CALN1: variants seen among roughly 807,000 people sequenced by gnomAD.
CALN1 encodes the protein calcium-binding protein 8.
CALN1 carries 17 observed loss-of-function variants against 30.6 expected under a neutral mutation model. The observed-to-expected ratio is 0.56, with a 90% confidence interval of 0.38 to 0.83. CALN1 has a LOEUF of 0.83. Ranked by LOEUF, CALN1 falls within the 40% of genes least tolerant of loss-of-function variation. The pLI is 0.00. For synonymous variants in CALN1, 156 were observed against 131.4 expected, an observed-to-expected ratio of 1.19 and a Z score of -1.28; for missense variants, 291 against 354.9, an observed-to-expected ratio of 0.82 and a Z score of 1.45.
In CALN1 at chr7:72,059,418, T is replaced by C. The variant is rs145007205; in HGVS notation, c.389-35649A>G. Among the ~76,000 whole-genome samples the C allele has an allele frequency of 4.6e-5, 7 of 152,010 alleles. No individual in the cohort carries two copies. In the East Asian group the frequency reaches 1.2e-3, roughly 25 times the overall value. ...AGCAAACCCTGACAATCCCTCATAC[T>C]TAGGAACTCCCAACCCTCATTCTTG... On this transcript the variant is annotated intron_variant, in intron 4 of 6. Transcript: ENST00000395275.
At chr7:71,847,773 A>AAAGAAGAAG (rs373772692) in intron 5 of CALN1, among the ~76,000 whole-genome samples, 2 of 145,228 alleles carry the variant, frequency 1.4e-5, no homozygotes, top group African/African-American at 5.2e-5. Flanking sequence ...GAAGAAGAAG[A>AAAGAAGAAG]AAGAAGAAGA....
chr7:71,869,732 T>C (rs1032694582), intron 5 of CALN1, among the ~76,000 whole-genome samples: 3 of 152,220 alleles, frequency 2.0e-5, no homozygotes, highest in African/African-American at 7.2e-5. Context: ...TGAATATTCA[T>C]GAAGTAGTAC....
At chr7:72,431,719 G>A (rs981345498) in intron 1 of CALN1, among the ~76,000 whole-genome samples, 1 of 152,030 alleles carries the variant, frequency 6.6e-6, no homozygotes, top group Non-Finnish European at 1.5e-5. Context: ...ATGCGTGCCT[G>A]TAGTCCTGGC....
intron 2 of CALN1, among the ~76,000 whole-genome samples, chr7:72,290,874 CTGAG>C (rs1478169228): frequency 2.0e-5 from 3 of 151,834 alleles, no homozygotes; most frequent in South Asian, 2.1e-4. Flanking sequence ...TTATTTTTCA[CTGAG>C]TATCAATCTT....
chr7:72,367,892 G>C (rs1803968526), intron 2 of CALN1, among the ~76,000 whole-genome samples: 1 of 151,896 alleles, frequency 6.6e-6, no homozygotes, highest in Non-Finnish European at 1.5e-5. Flanking sequence ...ACAACACTTT[G>C]GGAGGCCGAG....
chr7:72,098,796 A>ACACACACACAC (rs1173901201), intron 4 of CALN1, among the ~76,000 whole-genome samples: 1 of 143,206 alleles, frequency 7.0e-6, no homozygotes, highest in African/African-American at 2.5e-5. Context: ...ACACACACAC[A>ACACACACACAC]CACACAGCCA....
At chr7:72,053,248 G>C (rs1364482190) in intron 4 of CALN1, among the ~76,000 whole-genome samples, 2 of 152,012 alleles carry the variant, frequency 1.3e-5, no homozygotes, top group Admixed American at 1.3e-4. Context: ...AACAAACAAA[G>C]GAATATGTGC....
intron 5 of CALN1, among the ~76,000 whole-genome samples, chr7:72,015,546 G>A (rs1344938948): frequency 6.6e-6 from 1 of 151,342 alleles, no homozygotes; most frequent in Non-Finnish European, 1.5e-5. Flanking sequence ...TTCCGACAAT[G>A]TCCTCACCTC....
At chr7:72,435,453 C>T (rs982938467) in intron 1 of CALN1, among the ~76,000 whole-genome samples, 32 of 152,310 alleles carry the variant, frequency 2.1e-4, no homozygotes, top group African/African-American at 7.5e-4. Flanking sequence ...ACTGGAGAAA[C>T]GCAAGGCCCC....
intron 3 of CALN1, among the ~76,000 whole-genome samples, chr7:72,205,432 C>T (rs1446721378): frequency 1.3e-5 from 2 of 150,522 alleles, no homozygotes; most frequent in East Asian, 4.0e-4. Flanking sequence ...TAACTCCTGA[C>T]CTCAAGTTGA....
At chr7:72,169,255 T>G (rs1013347019) in intron 3 of CALN1, among the ~76,000 whole-genome samples, 1 of 152,146 alleles carries the variant, frequency 6.6e-6, no homozygotes, top group African/African-American at 2.4e-5. Context: ...AGTAAAATTT[T>G]TCATGCACTC....
At chr7:72,405,996 G>T (rs1806669992) in intron 1 of CALN1, among the ~76,000 whole-genome samples, 1 of 152,176 alleles carries the variant, frequency 6.6e-6, no homozygotes, top group African/African-American at 2.4e-5. Flanking sequence ...CCTGCCCACA[G>T]CTCAACAGGC....
At chr7:72,312,685 A>G (rs1800136494) in intron 2 of CALN1, among the ~76,000 whole-genome samples, 2 of 152,216 alleles carry the variant, frequency 1.3e-5, no homozygotes, top group African/African-American at 4.8e-5. Context: ...CAATGGCATC[A>G]TTGAAAAGGA....
At chr7:72,188,150 A>T (rs569511838) in intron 3 of CALN1, among the ~76,000 whole-genome samples, 2 of 152,278 alleles carry the variant, frequency 1.3e-5, no homozygotes, top group Admixed American at 1.3e-4. Flanking sequence ...AGAAATCATC[A>T]TGCACAAAGG....
intron 3 of CALN1, among the ~76,000 whole-genome samples, chr7:72,192,817 C>A (rs1182801075): frequency 1.7e-5 from 2 of 117,908 alleles, no homozygotes; most frequent in African/African-American, 6.5e-5. Flanking sequence ...CCCCACCCCA[C>A]AACAGTCCCC....
At chr7:71,979,174 C>A (rs1042227590) in intron 5 of CALN1, among the ~76,000 whole-genome samples, 2 of 152,124 alleles carry the variant, frequency 1.3e-5, no homozygotes, top group Non-Finnish European at 2.9e-5. Flanking sequence ...TGGTCCCCAA[C>A]TTGGCACCAG....
intron 3 of CALN1, among the ~76,000 whole-genome samples, chr7:72,266,355 T>G (rs1170421018): frequency 6.6e-6 from 1 of 152,180 alleles, no homozygotes; most frequent in Non-Finnish European, 1.5e-5. Flanking sequence ...ATTAGATAAT[T>G]TGAATATGGG....
chr7:71,926,700 C>A (rs1795286671), intron 5 of CALN1, among the ~76,000 whole-genome samples: 2 of 151,926 alleles, frequency 1.3e-5, no homozygotes, highest in Non-Finnish European at 2.9e-5. Flanking sequence ...ATTCTTTTTA[C>A]CTCTTTGTGT....
At position 71,783,760 on chromosome 7, in the gene CALN1, A is replaced by G. The variant is rs1792842274; in HGVS notation, c.*4015T>C. 1 of 152,678 alleles carries G rather than the reference A, an allele frequency of 6.5e-6. No homozygotes were observed. Among genetic ancestry groups the G allele is most frequent in the Admixed American group, 6.5e-5 (1 of 15,290 alleles). The allele number at this position is 152,678 out of a possible 1,614,324, so 9.5% of individuals were successfully genotyped here. ...GTAAACTTTTCTCTCTCAGTTCTGA[A>G]ACATATCGCTTTATGATTCTATGAA... On this transcript the variant is annotated 3_prime_UTR_variant, in exon 7 of 7. Transcript: ENST00000395275.
Sources: gnomAD v4.1 joint callset for allele counts (sites outside exome capture counted in the v4.1 genomes callset) on GRCh38, gnomAD v4.1.1 for gene constraint, MANE v1.5 for transcripts, NCBI Gene and HGNC (gene_info 2026-07-23, HGNC 2026-07-21) for gene names.